ARIH1: variants seen among roughly 807,000 people sequenced by gnomAD.
The protein encoded by ARIH1 is ariadne RBR E3 ubiquitin protein ligase 1.
In ARIH1, 8 loss-of-function variants were observed where a neutral mutation model predicts 85.0. The observed-to-expected ratio is 0.09, with a 90% CI of 0.06 to 0.17. The LOEUF is 0.17. Among genes scored for constraint, ARIH1 ranks in the 10% least tolerant of loss-of-function variants. The probability of loss-of-function intolerance (pLI) is 1.00; values close to 1 mark genes in which losing one functional copy is unlikely to be tolerated. For missense variants in ARIH1, 311 were observed against 718.1 expected (o/e 0.43, Z 6.48); for synonymous variants, 238 against 253.6 (o/e 0.94, Z 0.59).
intron 11 of ARIH1, among the ~76,000 whole-genome samples, chr15:72,573,920 G>A (rs1405913308): frequency 2.0e-5 from 3 of 152,084 alleles, no homozygotes; most frequent in Non-Finnish European, 4.4e-5. Flanking sequence ...CTTAAATGAT[G>A]TCCCTTAAGT....
chr15:72,569,371 TGTTAAG>T (rs1357748092), intron 9 of ARIH1, among the ~76,000 whole-genome samples: 2 of 152,160 alleles, frequency 1.3e-5, no homozygotes, highest in Non-Finnish European at 2.9e-5. Flanking sequence ...GTAGCATACT[TGTTAAG>T]GAGTACAATG....
chr15:72,515,896 G>A (rs191444762), intron 1 of ARIH1, among the ~76,000 whole-genome samples: 1 of 152,108 alleles, frequency 6.6e-6, no homozygotes, highest in African/African-American at 2.4e-5. Context: ...TCAGCTCCCA[G>A]GGGCCTTCTT....
chr15:72,555,211 T>C (rs2064169933), intron 3 of ARIH1, 60 bp from the exon 4 acceptor site: 1 of 1,277,166 alleles, frequency 7.8e-7, no homozygotes, highest in African/African-American at 1.5e-5. Flanking sequence ...GTTGAGTCAC[T>C]GTTTATAGTG....
At chr15:72,499,352 G>T (rs772093991) in intron 1 of ARIH1, among the ~76,000 whole-genome samples, 8 of 151,120 alleles carry the variant, frequency 5.3e-5, no homozygotes, top group Non-Finnish European at 1.2e-4. Context: ...CATGCATGTG[G>T]TAACAAATGT....
intron 6 of ARIH1, 128 bp downstream of exon 6, chr15:72,561,677 T>A: frequency 1.6e-6 from 1 of 616,110 alleles, no homozygotes; most frequent in Non-Finnish European, 2.7e-6. Context: ...CCAAAATACC[T>A]TTATTCTCAA....
At chr15:72,545,135 T>C (rs1325558169) in intron 3 of ARIH1, among the ~76,000 whole-genome samples, 171 bp downstream of exon 3, 1 of 152,160 alleles carries the variant, frequency 6.6e-6, no homozygotes, top group African/African-American at 2.4e-5. Context: ...AAAGCTTGGT[T>C]CCTCTTACCT....
chr15:72,582,326 G>A lies in ARIH1; in HGVS notation c.1589+139G>A, dbSNP rs575799010. The stretch of plus-strand genomic sequence containing the variant: ...TGTTTCTCACAGATTGCTTCTGTCC[G>A]TTGGGCACTAAATTGCAGGTAATAG... On this transcript the variant is annotated intron_variant, in intron 13 of 13. Coordinates refer to ENST00000379887, the MANE Select transcript of ARIH1 (RefSeq NM_005744.5). The surrounding 1 kb of genome is among the most constrained non-coding windows in gnomAD (Gnocchi z 4.6). 120 of 609,776 alleles carry A rather than the reference G, an allele frequency of 2.0e-4. 2 individuals carry two copies. In the African/African-American group the frequency reaches 2.0e-3, roughly 10 times the overall value. 37.8% of individuals were successfully genotyped at this position (609,776 alleles called of 1,614,324 possible).
rs775888578 is a variant in ARIH1, at chr15:72,583,244, T to C, written c.1626T>C (p.His542=). 5.6e-6 allele frequency: 9 copies of C among 1,613,242 alleles called. No individual in the cohort carries two copies. The Middle Eastern group carries it at 4.9e-4, about 88-fold the overall frequency. ...GTCGACGAAGGGTTTTGTTACAGCATGTGCATGAAGGCTATGAAAAAGATC... is the reference window on the plus strand; with the variant it reads ...GTCGACGAAGGGTTTTGTTACAGCACGTGCATGAAGGCTATGAAAAAGATC... ...CESRRRVLLQ[H]VHEGYEKDLW... is the part of the protein sequence containing the mutation. The change falls in exon 14 of 14, where the codon CAT becomes CAC. Residue 542 remains histidine, a synonymous_variant. Coordinates refer to ENST00000379887, the MANE Select transcript of ARIH1 (RefSeq NM_005744.5).
chr15:72,572,572 A>G (rs1031994023), intron 11 of ARIH1, among the ~76,000 whole-genome samples: 2 of 152,250 alleles, frequency 1.3e-5, no homozygotes, highest in Non-Finnish European at 2.9e-5. Flanking sequence ...ACATTCCAGT[A>G]AATATTGGAT....
At chr15:72,528,006 T>A (rs1229561468) in intron 2 of ARIH1, among the ~76,000 whole-genome samples, 1 of 152,138 alleles carries the variant, frequency 6.6e-6, no homozygotes, top group Non-Finnish European at 1.5e-5. Context: ...TGAATGTAAA[T>A]CAGATTTCAT....
chr15:72,540,930 A>G (rs543753847), intron 2 of ARIH1, among the ~76,000 whole-genome samples: 1 of 152,314 alleles, frequency 6.6e-6, no homozygotes, highest in South Asian at 2.1e-4. Context: ...ATTCAGATTG[A>G]TAGTAAAAGT....
chr15:72,492,143 T>G (rs2063861993), intron 1 of ARIH1, among the ~76,000 whole-genome samples: 1 of 152,172 alleles, frequency 6.6e-6, no homozygotes, highest in Non-Finnish European at 1.5e-5. Flanking sequence ...TGCTGTTATA[T>G]TTACTGTTTT....
intron 2 of ARIH1, among the ~76,000 whole-genome samples, chr15:72,519,061 G>A (rs8038734): frequency 0.77 from 117,410 of 151,992 alleles, 51,538 homozygotes; most frequent in Non-Finnish European, 0.96. Flanking sequence ...TCTGCTCTTT[G>A]GTTTGGAAAT....
At chr15:72,567,754 G>A (rs1221518350) in intron 9 of ARIH1, among the ~76,000 whole-genome samples, 4 of 152,172 alleles carry the variant, frequency 2.6e-5, no homozygotes, top group Non-Finnish European at 5.9e-5. Flanking sequence ...ATACAAAGTC[G>A]TATTATCCAT....
At chr15:72,558,524 A>G (rs760922996) in intron 5 of ARIH1, among the ~76,000 whole-genome samples, 2 of 151,952 alleles carry the variant, frequency 1.3e-5, no homozygotes, top group Non-Finnish European at 2.9e-5. Context: ...CTGTTCTCGA[A>G]CTCCTGACCT....
intron 2 of ARIH1, among the ~76,000 whole-genome samples, chr15:72,534,212 G>T (rs954802249): frequency 6.6e-6 from 1 of 152,090 alleles, no homozygotes; most frequent in East Asian, 1.9e-4. Flanking sequence ...TGTTTAGGTG[G>T]TGTAGCTATT....
chr15:72,577,863 G>A (rs149329628), intron 11 of ARIH1, among the ~76,000 whole-genome samples: 3 of 152,228 alleles, frequency 2.0e-5, no homozygotes, highest in Non-Finnish European at 4.4e-5. Flanking sequence ...CTTACGAACC[G>A]TTTTGCATTT....
intron 1 of ARIH1, among the ~76,000 whole-genome samples, chr15:72,480,857 C>T (rs893167871): frequency 6.6e-6 from 1 of 152,120 alleles, no homozygotes; most frequent in Non-Finnish European, 1.5e-5. Context: ...CCACCTTGCC[C>T]GGCCTTGTTT....
chr15:72,540,334 G>T (rs921291043), intron 2 of ARIH1, among the ~76,000 whole-genome samples: 6 of 150,910 alleles, frequency 4.0e-5, no homozygotes, highest in African/African-American at 1.5e-4. Context: ...GCTTTAGGAA[G>T]TTCTGACCAA....
Sources: allele counts gnomAD v4.1 joint callset (sites outside exome capture counted in the v4.1 genomes callset), GRCh38; gene constraint gnomAD v4.1.1; non-coding constraint Gnocchi (gnomAD v3.1); transcripts MANE v1.5; gene names NCBI Gene and HGNC (gene_info 2026-07-23, HGNC 2026-07-21).